Variants in DTNB observed in about 807,000 individuals in gnomAD.
DTNB encodes DTN-B.
Under a neutral mutation model 90.7 loss-of-function variants are expected in DTNB, and 63 were observed. That is an observed-to-expected ratio of 0.69 (90% CI 0.57 to 0.86). DTNB has a LOEUF of 0.86. Ranked by LOEUF, DTNB falls within the 40% of genes least tolerant of loss-of-function variation. DTNB has a pLI of 0.00. For synonymous variants in DTNB, 277 were observed against 286.7 expected (o/e 0.97, Z 0.34); for missense variants, 744 against 807.1 (o/e 0.92, Z 0.95).
At chr2:25,518,312 G>A (rs1182741687) in intron 9 of DTNB, among the ~76,000 whole-genome samples, 1 of 152,124 alleles carries the variant, frequency 6.6e-6, no homozygotes, top group Non-Finnish European at 1.5e-5. Context: ...ATGGCAAACA[G>A]GGTGAGAAAA....
At chr2:25,504,423 G>C (rs533067955) in intron 9 of DTNB, among the ~76,000 whole-genome samples, 1 of 133,280 alleles carries the variant, frequency 7.5e-6, no homozygotes, top group East Asian at 2.2e-4. Flanking sequence ...AAAGAAAGAA[G>C]GAAAGAAAGA....
At chr2:25,488,241 G>A (rs2066603045) in intron 9 of DTNB, among the ~76,000 whole-genome samples, 1 of 152,162 alleles carries the variant, frequency 6.6e-6, no homozygotes, top group Non-Finnish European at 1.5e-5. Context: ...AGTCAAGATG[G>A]GGGCAAGAGA....
intron 9 of DTNB, among the ~76,000 whole-genome samples, chr2:25,529,344 C>T (rs1032979549): frequency 2.6e-5 from 4 of 152,056 alleles, no homozygotes; most frequent in Non-Finnish European, 5.9e-5. Context: ...GGATATTCTA[C>T]ATCACATCAC....
intron 5 of DTNB, 113 bp downstream of exon 5, chr2:25,607,123 G>A: frequency 8.8e-7 from 1 of 1,132,140 alleles, no homozygotes; most frequent in South Asian, 1.6e-5. Flanking sequence ...CAGCGTGAGT[G>A]ACATGGTAAT....
At chr2:25,411,781 T>C (rs2046686914) in intron 16 of DTNB, among the ~76,000 whole-genome samples, 1 of 152,180 alleles carries the variant, frequency 6.6e-6, no homozygotes, top group South Asian at 2.1e-4. Flanking sequence ...TGTGTACGAT[T>C]TCTCTTTTTA....
intron 2 of DTNB, among the ~76,000 whole-genome samples, chr2:25,647,673 A>G (rs891154764): frequency 2.0e-5 from 3 of 152,156 alleles, no homozygotes; most frequent in Non-Finnish European, 4.4e-5. Context: ...CTTGGAGTTC[A>G]AGACCAGCCT....
chr2:25,639,218 G>A (rs1358568979), intron 2 of DTNB, 124 bp from the exon 3 acceptor site: 1 of 886,236 alleles, frequency 1.1e-6, no homozygotes. Flanking sequence ...TAAAAACGGT[G>A]GGTCAATTAA....
intron 9 of DTNB, among the ~76,000 whole-genome samples, chr2:25,512,286 T>A (rs1403244895): frequency 1.3e-5 from 2 of 152,176 alleles, no homozygotes; most frequent in Non-Finnish European, 2.9e-5. Context: ...AGCAAAAGCA[T>A]ACCAAATCAA....
intron 16 of DTNB, among the ~76,000 whole-genome samples, chr2:25,397,302 C>T (rs899965274): frequency 1.2e-4 from 18 of 147,106 alleles, no homozygotes; most frequent in Non-Finnish European, 2.4e-4. Flanking sequence ...AGCGCCACTG[C>T]ACTCCAGCCT....
intron 14 of DTNB, among the ~76,000 whole-genome samples, chr2:25,429,204 T>C (rs1158909642): frequency 6.6e-6 from 1 of 152,254 alleles, no homozygotes; most frequent in African/African-American, 2.4e-5. Context: ...TGATTACATG[T>C]TGAAAGGACA....
At chr2:25,484,805 T>C (rs534946599) in intron 9 of DTNB, among the ~76,000 whole-genome samples, 35 of 152,368 alleles carry the variant, frequency 2.3e-4, no homozygotes, top group Non-Finnish European at 3.4e-4. Flanking sequence ...TCTGACTACC[T>C]GTCTTCAGAC....
intron 8 of DTNB, among the ~76,000 whole-genome samples, chr2:25,565,312 C>T (rs866656242): frequency 2.6e-5 from 4 of 152,316 alleles, no homozygotes; most frequent in Middle Eastern, 3.4e-3. Context: ...TCATAACTTA[C>T]TGCAGCCTCA....
At chr2:25,572,621 T>C (rs1322434543) in intron 8 of DTNB, among the ~76,000 whole-genome samples, 1 of 151,510 alleles carries the variant, frequency 6.6e-6, no homozygotes, top group Non-Finnish European at 1.5e-5. Context: ...TCACAACCCA[T>C]CAACCTACCC....
chr2:25,527,180 A>T (rs918083679), intron 9 of DTNB, among the ~76,000 whole-genome samples: 16 of 152,210 alleles, frequency 1.1e-4, no homozygotes, highest in South Asian at 8.3e-4. Flanking sequence ...GGGAAAAAAT[A>T]AAAAAATTAA....
At chr2:25,607,906 G>A (rs577950625) in intron 4 of DTNB, among the ~76,000 whole-genome samples, 4 of 152,232 alleles carry the variant, frequency 2.6e-5, no homozygotes, top group African/African-American at 9.6e-5. Context: ...GAAGAGGAAG[G>A]GATAGTAACA....
At position 25,569,796 on chromosome 2, in the gene DTNB, G is replaced by A. The variant is rs556625968; in HGVS notation, c.876+7042C>T. Among the ~76,000 whole-genome samples, 5 of 152,174 alleles carry A rather than the reference G, an allele frequency of 3.3e-5. No homozygotes were observed. In the South Asian group the frequency reaches 6.2e-4, roughly 19 times the overall value. ...AATGAGTCTTCTAAAATTCCAATAG[G>A]AACTACTATTAGAAATGGTGGCCGG... On this transcript the variant is annotated intron_variant, in intron 8 of 20. Coordinates refer to ENST00000406818, the MANE Select transcript of DTNB (RefSeq NM_021907.5).
At chr2:25,604,896 T>C (rs187453571) in intron 5 of DTNB, among the ~76,000 whole-genome samples, 1 of 152,274 alleles carries the variant, frequency 6.6e-6, no homozygotes, top group African/African-American at 2.4e-5. Context: ...TTAAAATTGC[T>C]TTTATAGATA....
chr2:25,643,258 ACCT>A (rs888185126), intron 2 of DTNB, among the ~76,000 whole-genome samples: 3 of 151,520 alleles, frequency 2.0e-5, no homozygotes, highest in Non-Finnish European at 4.4e-5. Flanking sequence ...CCCTTCCTTC[ACCT>A]CCTCAGACCA....
Position 25,504,865 on chromosome 2 carries a change from T to C in DTNB, c.1002-21992A>G, listed in dbSNP as rs578014409. Among the ~76,000 whole-genome samples the C allele has an allele frequency of 3.3e-5, 5 of 152,274 alleles. No individual in the cohort carries two copies. In the East Asian group the frequency reaches 9.6e-4, roughly 29 times the overall value. The stretch of plus-strand genomic sequence containing the variant: ...TTTGCAAAACTTGATGAGCTGACTC[T>C]AAATGCACATGGAAACGCAACAGAC... On this transcript the variant is annotated intron_variant, in intron 9 of 20. Coordinates refer to ENST00000406818, the MANE Select transcript of DTNB (RefSeq NM_021907.5).
Sources: allele counts gnomAD v4.1 joint callset (sites outside exome capture counted in the v4.1 genomes callset), GRCh38; gene constraint gnomAD v4.1.1; transcripts MANE v1.5; gene names NCBI Gene and HGNC (gene_info 2026-07-23, HGNC 2026-07-21).